The following MYOF variants were observed in gnomAD, a reference collection of about 807,000 sequenced individuals.
MYOF encodes myoferlin, also known as fer-1-like 3, myoferlin.
MYOF carries 244 observed loss-of-function variants against 284.2 expected under a neutral mutation model. The observed-to-expected ratio is 0.86, with a 90% confidence interval of 0.77 to 0.95. The LOEUF is 0.95. Ranked by LOEUF, MYOF falls within the 40% of genes least tolerant of loss-of-function variation. The probability of loss-of-function intolerance (pLI) is 0.00; values close to 1 mark genes in which losing one functional copy is unlikely to be tolerated. For synonymous variants in MYOF, 904 were observed against 919.7 expected (o/e 0.98, Z 0.31); for missense variants, 2,496 against 2,560.6 (o/e 0.97, Z 0.54).
At chr10:93,448,766 G>A (rs1392200803) in intron 3 of MYOF, among the ~76,000 whole-genome samples, 6 of 152,138 alleles carry the variant, frequency 3.9e-5, no homozygotes, top group Non-Finnish European at 8.8e-5. Context: ...AGACCAAGGT[G>A]GGCAGATCAC....
At chr10:93,369,567 T>A in intron 25 of MYOF, 78 bp downstream of exon 25, 2 of 1,583,086 alleles carry the variant, frequency 1.3e-6, no homozygotes, top group South Asian at 2.3e-5. Context: ...GGTATGTAAA[T>A]GTTTTCCATA....
chr10:93,329,187 A>G (rs1843189924), intron 44 of MYOF, among the ~76,000 whole-genome samples: 1 of 152,192 alleles, frequency 6.6e-6, no homozygotes, highest in South Asian at 2.1e-4. Flanking sequence ...CTCTAGTCAT[A>G]ATAGGCAAAC....
chr10:93,321,885 A>G lies in MYOF; in HGVS notation c.5456+1193T>C, dbSNP rs375322597. On this transcript the variant is annotated intron_variant, in intron 48 of 53. Coordinates refer to ENST00000359263, the MANE Select transcript of MYOF (RefSeq NM_013451.4). ...ATTTATGCACGATTCATCTTTTCAC[A>G]TGTCGTATTTAGATTTTTATTCCAA... Among the ~76,000 whole-genome samples the G allele has an allele frequency of 3.0e-3, 458 of 152,116 alleles. 4 individuals are homozygous for G. The highest frequency in any genetic ancestry group is 0.01 in the African/African-American group (424 of 41,494).
chr10:93,394,935 T>TAA (rs1451964949), intron 16 of MYOF, among the ~76,000 whole-genome samples: 3 of 151,138 alleles, frequency 2.0e-5, no homozygotes, highest in Admixed American at 6.6e-5. Flanking sequence ...TGTATATATA[T>TAA]AATAACCAGG....
At chr10:93,382,539 A>C (rs1846174792) in intron 19 of MYOF, among the ~76,000 whole-genome samples, 1 of 152,222 alleles carries the variant, frequency 6.6e-6, no homozygotes, top group African/African-American at 2.4e-5. Context: ...CTGGTTTACT[A>C]AGAGAGTTGA....
chr10:93,346,302 G>A (rs143772779), intron 37 of MYOF, among the ~76,000 whole-genome samples: 1 of 152,344 alleles, frequency 6.6e-6, no homozygotes, highest in African/African-American at 2.4e-5. Flanking sequence ...TGTAAAATCA[G>A]TACTCACACT....
At chr10:93,431,155 A>G (rs1289585630) in intron 4 of MYOF, among the ~76,000 whole-genome samples, 1 of 151,316 alleles carries the variant, frequency 6.6e-6, no homozygotes, top group Admixed American at 6.6e-5. Flanking sequence ...CAGCCTCCCA[A>G]GTAGCTGGGA....
In MYOF at chr10:93,313,028, C is replaced by T. The variant is rs201400625; in HGVS notation, c.5881G>A (p.Val1961Ile). 3.3e-4 allele frequency: 528 copies of T among 1,609,060 alleles called. No homozygotes were observed. The highest frequency in any genetic ancestry group is 4.7e-4 in the Admixed American group (28 of 59,220). Residue 1961 changes from valine (V) to isoleucine (I), a missense_variant, in exon 51 of 54, where the codon GTA becomes ATA. By Grantham distance (29) the Val-to-Ile change is conservative (BLOSUM62 3). Coordinates refer to ENST00000359263, the MANE Select transcript of MYOF (RefSeq NM_013451.4). ...PCYAEKDGAR[V>I]MAGKVEMTLE... ...CCAGGAAATGTTCATACAGCCATTA[C>T]GCGGGCGCCATCTTTCTCTGCGTAG... is the stretch of plus-strand genomic sequence containing the variant.
intron 5 of MYOF, among the ~76,000 whole-genome samples, chr10:93,409,976 C>G (rs1847832188): frequency 6.6e-6 from 1 of 152,154 alleles, no homozygotes; most frequent in Non-Finnish European, 1.5e-5. Flanking sequence ...TTCGAAGAGA[C>G]CAAGAGAATG....
Position 93,402,293 on chromosome 10 carries a change from G to C in MYOF, c.929C>G (p.Ser310Ter). The change falls in exon 11 of 54, where the codon TCA (serine) becomes TGA (stop). Residue 310 changes from serine to a stop codon, truncating the protein, a stop_gained. Transcript: ENST00000359263. LOFTEE classifies it high-confidence loss of function. ...GACTTTCATATAACCTTTAGAACCT[G>C]AACTGGTATCTTCCGGGTCATTGAG... ...LLLNDPEDTSSGSKGYMKVSM... is the reference protein window; with the variant it reads ...LLLNDPEDTS 6.2e-7 allele frequency: 1 copy of C among 1,614,078 alleles called. No homozygotes were observed. The highest frequency in any genetic ancestry group is 8.5e-7 in the Non-Finnish European group (1 of 1,179,998).
rs757451929 is a variant in MYOF at position 93,343,901 on chromosome 10, G to A, written c.4281C>T (p.Asp1427=). 4 of 1,614,190 alleles carry A rather than the reference G, an allele frequency of 2.5e-6. No individual in the cohort carries two copies. Among genetic ancestry groups the A allele is most frequent in the East Asian group, 2.2e-5 (1 of 44,892 alleles). Residue 1427 remains aspartate, a synonymous_variant, in exon 38 of 54, where the codon GAC becomes GAT. Coordinates refer to ENST00000359263, the MANE Select transcript of MYOF (RefSeq NM_013451.4). ...ASLLSAPPCR[D]IVIEMEDTKP... is the part of the protein sequence containing the mutation. ...TGGTGTCTTCCATTTCGATAACGAT[G>A]TCCCGGCATGGTGGGGCAGACAGAA...
chr10:93,442,041 C>CACACAGAG (rs57700900), intron 3 of MYOF, among the ~76,000 whole-genome samples: 12 of 142,624 alleles, frequency 8.4e-5, no homozygotes, highest in South Asian at 4.5e-4. Flanking sequence ...CACACACACA[C>CACACAGAG]AGAATAAACC....
intron 41 of MYOF, among the ~76,000 whole-genome samples, chr10:93,335,425 T>G (rs1231168096): frequency 6.6e-6 from 1 of 151,964 alleles, no homozygotes; most frequent in Non-Finnish European, 1.5e-5. Flanking sequence ...GAAGATCAGA[T>G]TTGGTTGCAT....
intron 24 of MYOF, among the ~76,000 whole-genome samples, chr10:93,372,114 G>T (rs1564658541): frequency 6.6e-6 from 1 of 152,166 alleles, no homozygotes; most frequent in East Asian, 1.9e-4. Flanking sequence ...GAATCTCCTT[G>T]TTTGAAGAGA....
chr10:93,373,147 C>A, intron 23 of MYOF, 62 bp from the exon 24 acceptor site: 9 of 1,598,584 alleles, frequency 5.6e-6, no homozygotes, highest in Non-Finnish European at 7.7e-6. Flanking sequence ...TGGAGAGGGA[C>A]CGAAGACCCT....
chr10:93,312,394 G>A (rs1400406591), intron 51 of MYOF, among the ~76,000 whole-genome samples: 1 of 151,932 alleles, frequency 6.6e-6, no homozygotes, highest in African/African-American at 2.4e-5. Context: ...CACCCAGGCT[G>A]GAGTACAGTG....
At chr10:93,383,693 C>T (rs2134011245) in intron 19 of MYOF, among the ~76,000 whole-genome samples, 1 of 152,206 alleles carries the variant, frequency 6.6e-6, no homozygotes, top group East Asian at 1.9e-4. Context: ...CTTTGTAAAC[C>T]AACTAGGATG....
chr10:93,409,865 G>C, intron 5 of MYOF, 126 bp from the exon 6 acceptor site: 3 of 1,174,956 alleles, frequency 2.6e-6, no homozygotes, highest in Admixed American at 4.6e-5. Context: ...GGCAGGTGAA[G>C]GAGATCCTCT....
chr10:93,357,807 G>A (rs990223874), intron 29 of MYOF, among the ~76,000 whole-genome samples: 5 of 152,154 alleles, frequency 3.3e-5, no homozygotes, highest in African/African-American at 7.2e-5. Flanking sequence ...AGAAATACTC[G>A]TTAGAACTGG....
Sources: gnomAD v4.1 joint callset for allele counts (sites outside exome capture counted in the v4.1 genomes callset) on GRCh38, gnomAD v4.1.1 for gene constraint, MANE v1.5 for transcripts, NCBI Gene and HGNC (gene_info 2026-07-23, HGNC 2026-07-21) for gene names.